Variants in MAP3K15 observed in about 807,000 individuals in gnomAD.
MAP3K15 encodes MAPK/ERK kinase kinase 15.
Under a neutral mutation model 99.5 loss-of-function variants are expected in MAP3K15, and 124 were observed. That is an observed-to-expected ratio of 1.25 (90% CI 1.08 to 1.45). The LOEUF (loss-of-function observed/expected upper bound fraction) is 1.45, where lower values mean the gene tolerates loss of function less well. Ranked by LOEUF, MAP3K15 falls within the 40% of genes most tolerant of loss-of-function variation. The pLI, the probability that MAP3K15 is intolerant of heterozygous loss-of-function variation, is 0.00. For synonymous variants in MAP3K15, 494 were observed against 439.6 expected (o/e 1.12, Z -1.55); for missense variants, 1,242 against 1,079.7 (o/e 1.15, Z -2.11).
At chrX:19,384,131 T>A (rs2063478197) in intron 18 of MAP3K15, among the ~76,000 whole-genome samples, 1 of 112,148 alleles carries the variant, frequency 8.9e-6, no homozygotes, top group East Asian at 2.8e-4. Context: ...GTGGTACATA[T>A]ACACAATGGA....
At position 19,515,143 on chromosome X, in the gene MAP3K15, G is replaced by A. The variant is rs1281598957; in HGVS notation, c.119C>T (p.Ala40Val). ...GCTGCCGCCTGCCGCGCCCTCCGCC[G>A]CCCCGTCGGGCTCCGCCGGCCCGGC... ...GAAGPAEPDG[A>V]AEGAAGGSGE... is the part of the protein sequence containing the mutation. Residue 40 changes from alanine (A) to valine (V), a missense_variant, in exon 1 of 29, where the codon GCG (alanine) becomes GTG (valine). Transcript: ENST00000338883. The A allele has an allele frequency of 2.5e-6, 2 of 785,913 alleles. No homozygotes were observed. The highest frequency in any genetic ancestry group is 6.4e-5 in the South Asian group (1 of 15,666). The allele number at this position is 785,913 out of a possible 1,213,427, so 64.8% of individuals were successfully genotyped here.
At position 19,425,211 on chromosome X, in the gene MAP3K15, T is replaced by G. The variant is rs1028958026; in HGVS notation, c.1439+320A>C. Among the ~76,000 whole-genome samples, 5 of 112,065 alleles carry G rather than the reference T, an allele frequency of 4.5e-5. No individual in the cohort carries two copies. In the East Asian group the frequency reaches 8.3e-4, roughly 19 times the overall value. ...ACATTTTCTTGGTGTGCTTTTTTCA[T>G]TTTATTATATGCTTTCTCACAAATG... On this transcript the variant is annotated intron_variant, in intron 9 of 28. Coordinates refer to ENST00000338883, the MANE Select transcript of MAP3K15 (RefSeq NM_001001671.4).
At chrX:19,424,317 T>TACAC (rs1347490869) in intron 9 of MAP3K15, among the ~76,000 whole-genome samples, 1 of 104,822 alleles carries the variant, frequency 9.5e-6, no homozygotes, top group Non-Finnish European at 1.9e-5. Context: ...CACATATATA[T>TACAC]ACATATATAT....
In MAP3K15 at chrX:19,471,351, G is replaced by A. The variant is rs774680829; in HGVS notation, c.526-6945C>T. On this transcript the variant is annotated intron_variant, in intron 3 of 28. Coordinates refer to ENST00000338883, the MANE Select transcript of MAP3K15 (RefSeq NM_001001671.4). ...ACGATCTTGGATCACCACAACCTCC[G>A]TCTACCAGGTTAAAGTAATTCTCCT... 1.5e-4 allele frequency among the ~76,000 whole-genome samples: 16 copies of A among 109,712 alleles called. No individual in the cohort carries two copies. The East Asian group carries it at 2.6e-3, about 18-fold the overall frequency.
At chrX:19,398,126 C>T (rs1216927029) in intron 15 of MAP3K15, 100 bp downstream of exon 15, 4 of 885,180 alleles carry the variant, frequency 4.5e-6, no homozygotes, top group African/African-American at 4.1e-5. Flanking sequence ...TGTGGTAACA[C>T]AATGCTTTTG....
intron 5 of MAP3K15, among the ~76,000 whole-genome samples, chrX:19,459,261 T>C (rs770019475): frequency 7.1e-5 from 8 of 112,118 alleles, no homozygotes; most frequent in Non-Finnish European, 1.3e-4. Context: ...AACCGCTCTG[T>C]GCCTCAGTTT....
intron 1 of MAP3K15, among the ~76,000 whole-genome samples, chrX:19,510,438 C>A (rs995262192): frequency 3.6e-5 from 4 of 112,098 alleles, no homozygotes; most frequent in Admixed American, 9.5e-5. Flanking sequence ...GAACCAATGA[C>A]AAAAACCACA....
chrX:19,510,113 A>G (rs956646467), intron 1 of MAP3K15, among the ~76,000 whole-genome samples: 1 of 112,043 alleles, frequency 8.9e-6, no homozygotes, highest in Non-Finnish European at 1.9e-5. Context: ...CCTACCAACT[A>G]AAAAAATCCT....
chrX:19,424,291 T>TATAC (rs1569220441), intron 9 of MAP3K15, among the ~76,000 whole-genome samples: 7 of 98,574 alleles, frequency 7.1e-5, no homozygotes, highest in African/African-American at 3.1e-4. Flanking sequence ...CACATATATA[T>TATAC]ACACATATAT....
intron 12 of MAP3K15, among the ~76,000 whole-genome samples, chrX:19,409,317 A>G (rs1284449671): frequency 9.0e-6 from 1 of 111,702 alleles, no homozygotes; most frequent in Admixed American, 9.6e-5. Flanking sequence ...ATCACCCAGC[A>G]AAGAGAGATT....
chrX:19,361,273 G>T, intron 28 of MAP3K15, 66 bp downstream of exon 28: 1 of 922,601 alleles, frequency 1.1e-6, no homozygotes, highest in Non-Finnish European at 1.5e-6. Flanking sequence ...TTTGTTTTCT[G>T]CTCTTGAAGC....
chrX:19,396,991 C>T (rs891253895), intron 15 of MAP3K15, among the ~76,000 whole-genome samples: 3 of 108,997 alleles, frequency 2.8e-5, no homozygotes, highest in Non-Finnish European at 3.8e-5. Context: ...CCTCTGCCTC[C>T]GGGGTTCAAG....
chrX:19,369,370 AAGAGACTGTTCCATTTGGTTCTCTGC>A, intron 24 of MAP3K15, 151 bp from the exon 25 acceptor site: 1 of 571,922 alleles, frequency 1.7e-6, no homozygotes, highest in Non-Finnish European at 2.8e-6. Flanking sequence ...ACAAATGGAG[AAGAGACTGTTCCATTTGGTTCTCTGC>A]AGCGTAAAGT....
chrX:19,492,675 A>T (rs907810707), intron 1 of MAP3K15, among the ~76,000 whole-genome samples: 1 of 111,894 alleles, frequency 8.9e-6, no homozygotes, highest in Non-Finnish European at 1.9e-5. Context: ...ATTAAAAATT[A>T]TATGTTTCAG....
Position 19,413,474 on chromosome X carries a change from G to T in MAP3K15, c.1591-10C>A. On this transcript the variant is annotated splice_polypyrimidine_tract_variant and intron_variant, in intron 10 of 28. Transcript: ENST00000338883. ...GCTCTATGACCAGAACCTGAAACAAGAACAGATGCCTGTTAACGTACATGG... is the reference window on the plus strand; with the variant it reads ...GCTCTATGACCAGAACCTGAAACAATAACAGATGCCTGTTAACGTACATGG... 13 of 1,154,492 alleles carry T rather than the reference G, an allele frequency of 1.1e-5. No homozygotes were observed. The highest frequency in any genetic ancestry group is 1.5e-5 in the Non-Finnish European group (13 of 848,312).
At position 19,361,347 on chromosome X, in the gene MAP3K15, A is replaced by G; in HGVS notation, c.3849T>C (p.Leu1283=). 1 of 1,203,751 alleles carries G rather than the reference A, an allele frequency of 8.3e-7. No individual in the cohort carries two copies. The highest frequency in any genetic ancestry group is 1.1e-6 in the Non-Finnish European group (1 of 889,160). ...NEITKEDLRY[L]RLRGGLLCRL... is the part of the protein sequence containing the mutation. Reference sequence around the variant, plus strand: ...TGTTTTGAGGCTCTTACCGTAGTCGAAGGTATCTTAGATCTTCCTTAGTGA... The same window carrying G: ...TGTTTTGAGGCTCTTACCGTAGTCGGAGGTATCTTAGATCTTCCTTAGTGA... Residue 1283 remains leucine, a synonymous_variant, in exon 28 of 29, where the codon CTT becomes CTC. Transcript: ENST00000338883.
intron 13 of MAP3K15, among the ~76,000 whole-genome samples, chrX:19,403,512 G>C (rs1294987208): frequency 1.0e-5 from 1 of 98,071 alleles, no homozygotes; most frequent in Non-Finnish European, 2.0e-5. Context: ...AGGCTGGAGT[G>C]CAGTGGCATG....
At chrX:19,405,061 CGA>C (rs201096977) in intron 13 of MAP3K15, among the ~76,000 whole-genome samples, 4,088 of 110,533 alleles carry the variant, frequency 0.037, 190 homozygotes, top group African/African-American at 0.13. Context: ...GTGATACCAT[CGA>C]GAGAGTGAAA....
chrX:19,450,692 T>C lies in MAP3K15; in HGVS notation c.995+6221A>G, dbSNP rs138857507. Among the ~76,000 whole-genome samples, 388 of 108,375 alleles carry C rather than the reference T, an allele frequency of 3.6e-3. 4 individuals are homozygous for C. The highest frequency in any genetic ancestry group is 0.012 in the African/African-American group (362 of 30,371). 94.1% of individuals were successfully genotyped at this position (108,375 alleles called of 115,157 possible). On this transcript the variant is annotated intron_variant, in intron 6 of 28. Coordinates refer to ENST00000338883, the MANE Select transcript of MAP3K15 (RefSeq NM_001001671.4). Reference sequence around the variant, plus strand: ...TACACACAGCCCTTCTACTGACACATAAATAAGTTAGTAAATAAAGGAGGA... The same window carrying C: ...TACACACAGCCCTTCTACTGACACACAAATAAGTTAGTAAATAAAGGAGGA...
Sources: allele counts gnomAD v4.1 joint callset (sites outside exome capture counted in the v4.1 genomes callset), GRCh38; gene constraint gnomAD v4.1.1; transcripts MANE v1.5; gene names NCBI Gene and HGNC (gene_info 2026-07-23, HGNC 2026-07-21).